The following CAMKMT variants were observed in gnomAD, a reference collection of about 807,000 sequenced individuals.
CAMKMT encodes the protein CaM KMT.
CAMKMT carries 53 observed loss-of-function variants against 48.0 expected under a neutral mutation model. That is an observed-to-expected ratio of 1.10 (90% CI 0.89 to 1.39). The LOEUF is 1.39. Ranked by LOEUF, CAMKMT falls within the 40% of genes most tolerant of loss-of-function variation. The probability of loss-of-function intolerance (pLI) is 0.00; values close to 1 mark genes in which losing one functional copy is unlikely to be tolerated. For missense variants in CAMKMT, 428 were observed against 402.7 expected (o/e 1.06, Z -0.54); for synonymous variants, 165 against 152.3 (o/e 1.08, Z -0.61).
chr2:44,472,032 A>G (rs1668446162), intron 3 of CAMKMT, among the ~76,000 whole-genome samples: 1 of 152,168 alleles, frequency 6.6e-6, no homozygotes, highest in African/African-American at 2.4e-5. Flanking sequence ...AAGATTTTCA[A>G]AAGAACTATT....
intron 3 of CAMKMT, among the ~76,000 whole-genome samples, chr2:44,602,601 C>T (rs1671061094): frequency 6.6e-6 from 1 of 151,966 alleles, no homozygotes; most frequent in Non-Finnish European, 1.5e-5. Flanking sequence ...ACAAGCTTAA[C>T]AGGAAGTATG....
intron 3 of CAMKMT, among the ~76,000 whole-genome samples, chr2:44,507,191 C>G (rs187189468): frequency 6.6e-6 from 1 of 152,110 alleles, no homozygotes; most frequent in East Asian, 1.9e-4. Flanking sequence ...AGATTAATGG[C>G]TAAATTTTCT....
intron 3 of CAMKMT, among the ~76,000 whole-genome samples, chr2:44,459,185 C>A (rs1667727834): frequency 6.6e-6 from 1 of 151,892 alleles, no homozygotes; most frequent in South Asian, 2.1e-4. Flanking sequence ...ATTCATAGAA[C>A]ATAGTTTTGA....
intron 3 of CAMKMT, among the ~76,000 whole-genome samples, chr2:44,658,382 G>A (rs1450705832): frequency 6.6e-6 from 1 of 152,214 alleles, no homozygotes; most frequent in African/African-American, 2.4e-5. Flanking sequence ...TGTATGAAAA[G>A]GGGGCACCGG....
intron 3 of CAMKMT, among the ~76,000 whole-genome samples, chr2:44,660,191 G>A (rs564134594): frequency 5.6e-4 from 85 of 152,192 alleles, no homozygotes; most frequent in African/African-American, 2.0e-3. Flanking sequence ...CCTCTTTAAT[G>A]TCTGTCTTAG....
At chr2:44,655,932 C>T (rs1674354128) in intron 3 of CAMKMT, among the ~76,000 whole-genome samples, 1 of 152,112 alleles carries the variant, frequency 6.6e-6, no homozygotes, top group African/African-American at 2.4e-5. Context: ...TTTGTGCTAA[C>T]TAAAAGAGAC....
chr2:44,770,964 T>A lies in CAMKMT; in HGVS notation c.895-1072T>A, dbSNP rs75502399. 4.1e-3 allele frequency among the ~76,000 whole-genome samples: 620 copies of A among 152,358 alleles called. 4 individuals carry two copies. The highest frequency in any genetic ancestry group is 0.014 in the African/African-American group (590 of 41,570). On this transcript the variant is annotated intron_variant, in intron 10 of 10. Transcript: ENST00000378494. ...GAAATTAAAGGCTGAATTAGCTTTA[T>A]GTTCCCCAGCGGAAAAGGGGAAGTG...
intron 3 of CAMKMT, chr2:44,394,999 A>G (rs1276789016): frequency 2.2e-6 from 1 of 447,274 alleles, no homozygotes; most frequent in Non-Finnish European, 4.5e-6. Context: ...CCTGTAAAAA[A>G]AAGACAATCA....
At chr2:44,413,162 G>A (rs574613862) in intron 3 of CAMKMT, among the ~76,000 whole-genome samples, 41 of 152,024 alleles carry the variant, frequency 2.7e-4, no homozygotes, top group East Asian at 2.3e-3. Flanking sequence ...TTCTCTGGGG[G>A]CTGATTACAA....
At position 44,729,518 on chromosome 2, in the gene CAMKMT, G is replaced by C. The variant is rs370614536; in HGVS notation, c.624-14104G>C. On this transcript the variant is annotated intron_variant, in intron 7 of 10. Coordinates refer to ENST00000378494, the MANE Select transcript of CAMKMT (RefSeq NM_024766.5). ...CATTTCAAGGAGAGTGTGGTTGGCT[G>C]CTGCAGATTACTGAAGGTAGGTCAG... is the stretch of plus-strand genomic sequence containing the variant. Among the ~76,000 whole-genome samples, 52 of 152,318 alleles carry C rather than the reference G, an allele frequency of 3.4e-4. 1 individual carries two copies. Among genetic ancestry groups the C allele is most frequent in the Middle Eastern group, 3.4e-3 (1 of 294 alleles).
At chr2:44,418,062 C>T (rs367980173) in intron 3 of CAMKMT, among the ~76,000 whole-genome samples, 1 of 151,900 alleles carries the variant, frequency 6.6e-6, no homozygotes, top group Admixed American at 6.6e-5. Context: ...CATGGTGGCA[C>T]GTGCCTATAA....
chr2:44,553,950 AT>A (rs1165429737), intron 3 of CAMKMT, among the ~76,000 whole-genome samples: 1 of 152,224 alleles, frequency 6.6e-6, no homozygotes, highest in African/African-American at 2.4e-5. Context: ...AAAACATAAC[AT>A]TTAAAAAAGA....
intron 7 of CAMKMT, among the ~76,000 whole-genome samples, chr2:44,740,291 G>A (rs919371336): frequency 7.2e-5 from 11 of 152,094 alleles, no homozygotes; most frequent in African/African-American, 2.2e-4. Flanking sequence ...ACCACACCCA[G>A]CTAATTTTTT....
At chr2:44,766,361 G>T in intron 9 of CAMKMT, 69 bp from the exon 10 acceptor site, 2 of 1,575,372 alleles carry the variant, frequency 1.3e-6, no homozygotes, top group South Asian at 2.2e-5. Context: ...TAAATGCTTT[G>T]ACCAATGTCT....
chr2:44,568,747 C>T (rs1423047395), intron 3 of CAMKMT, among the ~76,000 whole-genome samples: 1 of 152,088 alleles, frequency 6.6e-6, no homozygotes, highest in East Asian at 1.9e-4. Context: ...ATTGAAAGTA[C>T]AAAGCTGGGG....
intron 10 of CAMKMT, among the ~76,000 whole-genome samples, chr2:44,768,377 T>TTTA (rs1266969641): frequency 3.6e-5 from 5 of 137,050 alleles, no homozygotes; most frequent in Non-Finnish European, 4.8e-5. Flanking sequence ...TTTTTTTTTT[T>TTTA]AATAATGAGA....
At chr2:44,487,971 GGTA>G (rs1398363973) in intron 3 of CAMKMT, among the ~76,000 whole-genome samples, 1 of 152,172 alleles carries the variant, frequency 6.6e-6, no homozygotes, top group African/African-American at 2.4e-5. Flanking sequence ...TTGGCTTTTG[GGTA>G]GTTTCTGCCT....
At position 44,568,210 on chromosome 2, in the gene CAMKMT, G is replaced by A. The variant is rs1225806238; in HGVS notation, c.377-136073G>A. The stretch of plus-strand genomic sequence containing the variant: ...GGCAAAGTCCTGAAATGAGCAAAAC[G>A]AGCAAAACAAGCTGAGCCTGAATTG... On this transcript the variant is annotated intron_variant, in intron 3 of 10. Transcript: ENST00000378494. Among the ~76,000 whole-genome samples, 6 of 151,938 alleles carry A rather than the reference G, an allele frequency of 3.9e-5. No individual in the cohort carries two copies. In the South Asian group the frequency reaches 1.0e-3, roughly 26 times the overall value.
At chr2:44,506,249 A>C (rs1451970325) in intron 3 of CAMKMT, among the ~76,000 whole-genome samples, 1 of 152,168 alleles carries the variant, frequency 6.6e-6, no homozygotes, top group East Asian at 1.9e-4. Context: ...AAAAGTGAGA[A>C]AATGAAATAA....
Sources: gnomAD v4.1 joint callset for allele counts (sites outside exome capture counted in the v4.1 genomes callset) on GRCh38, gnomAD v4.1.1 for gene constraint, MANE v1.5 for transcripts, NCBI Gene and HGNC (gene_info 2026-07-23, HGNC 2026-07-21) for gene names.